Variants in EEIG1 observed in about 807,000 individuals in gnomAD.
EEIG1 encodes estrogen-induced osteoclastogenesis regulator 1.
chr9:127,974,632 G>C, the EEIG1 span, among the ~76,000 whole-genome samples: 1 of 152,166 alleles, frequency 6.6e-6, no homozygotes, highest in Non-Finnish European at 1.5e-5. Context: ...ACAGACACCT[G>C]GACGGAAATG....
chr9:127,946,651 C>T, the EEIG1 span, among the ~76,000 whole-genome samples: 1 of 152,246 alleles, frequency 6.6e-6, no homozygotes, highest in Non-Finnish European at 1.5e-5. Context: ...AGACACATCT[C>T]TCTTCTGGGG....
At chr9:127,973,057 T>C in the EEIG1 span, among the ~76,000 whole-genome samples, 1 of 152,114 alleles carries the variant, frequency 6.6e-6, no homozygotes, top group Non-Finnish European at 1.5e-5. This position sits in a 1 kb window ranked among gnomAD's most constrained non-coding sequence, Gnocchi z 4.2. Flanking sequence ...TGGGTCTCTT[T>C]CTAAGCAAAT....
the EEIG1 span, among the ~76,000 whole-genome samples, chr9:127,968,302 A>C: frequency 6.6e-5 from 10 of 152,186 alleles, no homozygotes; most frequent in Non-Finnish European, 1.0e-4. Flanking sequence ...GACTCAAGTC[A>C]TGGGGCTGCC....
the EEIG1 span, among the ~76,000 whole-genome samples, chr9:127,959,957 G>A: frequency 6.6e-6 from 1 of 152,214 alleles, no homozygotes; most frequent in African/African-American, 2.4e-5. Flanking sequence ...TTGTGCAACT[G>A]TGAATATACT....
chr9:127,979,771 G>C, the EEIG1 span, among the ~76,000 whole-genome samples: 2 of 152,226 alleles, frequency 1.3e-5, no homozygotes, highest in African/African-American at 4.8e-5. Context: ...AGGGCCCCAA[G>C]AGAAGGCTGA....
At chr9:127,961,811 C>A in the EEIG1 span, among the ~76,000 whole-genome samples, 4 of 148,592 alleles carry the variant, frequency 2.7e-5, no homozygotes, top group Non-Finnish European at 5.9e-5. Context: ...CGAGGAACAG[C>A]AAGTGCAAAG....
the EEIG1 span, chr9:127,942,215 G>C: frequency 6.5e-6 from 1 of 152,728 alleles, no homozygotes; most frequent in Non-Finnish European, 1.5e-5. Context: ...AGTCTGGGCA[G>C]CTGACCCTGA....
chr9:127,957,918 C>T, the EEIG1 span, among the ~76,000 whole-genome samples: 11 of 152,322 alleles, frequency 7.2e-5, no homozygotes, highest in South Asian at 2.3e-3. Context: ...GAGGCTGAGG[C>T]ACAAGACTCA....
the EEIG1 span, among the ~76,000 whole-genome samples, chr9:127,969,583 G>C: frequency 6.6e-6 from 1 of 152,112 alleles, no homozygotes; most frequent in African/African-American, 2.4e-5. Context: ...AGCAAAGCTC[G>C]GGGAGATCTA....
chr9:127,956,599 C>G, the EEIG1 span, among the ~76,000 whole-genome samples: 1 of 151,984 alleles, frequency 6.6e-6, no homozygotes, highest in South Asian at 2.1e-4. Flanking sequence ...TTGGTAGAGA[C>G]GGGGTTTCAC....
chr9:127,947,263 C>CAA, the EEIG1 span, among the ~76,000 whole-genome samples: 21 of 94,612 alleles, frequency 2.2e-4, no homozygotes, highest in East Asian at 4.6e-3. Context: ...ACTAAAAATA[C>CAA]AAAAAAAAAA....
chr9:127,953,440 T>C, the EEIG1 span: 47 of 734,368 alleles, frequency 6.4e-5, no homozygotes, highest in Non-Finnish European at 1.0e-4. Context: ...TAAAGATATT[T>C]CTAAAAAATA....
At chr9:127,959,540 C>T in the EEIG1 span, among the ~76,000 whole-genome samples, 1 of 152,168 alleles carries the variant, frequency 6.6e-6, no homozygotes, top group Non-Finnish European at 1.5e-5. Flanking sequence ...AAATTGTGAT[C>T]CCCACATGTC....
the EEIG1 span, among the ~76,000 whole-genome samples, chr9:127,967,155 G>A: frequency 3.3e-5 from 5 of 152,322 alleles, no homozygotes; most frequent in East Asian, 3.9e-4. Context: ...AGCCAAATCC[G>A]TCAAGACCTG....
the EEIG1 span, chr9:127,945,902 C>G: frequency 1.6e-6 from 1 of 630,610 alleles, no homozygotes. The surrounding 1 kb of genome is among the most constrained non-coding windows in gnomAD (Gnocchi z 6.5). Context: ...CAGCAACCAG[C>G]CTGAGCCATA....
At chr9:127,979,495 T>G in the EEIG1 span, among the ~76,000 whole-genome samples, 1 of 152,204 alleles carries the variant, frequency 6.6e-6, no homozygotes, top group Non-Finnish European at 1.5e-5. Flanking sequence ...AGGAGGATAG[T>G]CACTCGGAGG....
chr9:127,953,390 A>C, the EEIG1 span: 1 of 612,490 alleles, frequency 1.6e-6, no homozygotes, highest in Non-Finnish European at 2.9e-6. Context: ...ATATTGCAAC[A>C]ACCATATGCT....
At chr9:127,944,533 G>T in the EEIG1 span, 7 of 1,015,740 alleles carry the variant, frequency 6.9e-6, no homozygotes, top group Non-Finnish European at 1.1e-5. Flanking sequence ...GGCGTTCAAG[G>T]CCAGGTGAGT....
the EEIG1 span, among the ~76,000 whole-genome samples, chr9:127,959,060 T>G: frequency 1.3e-5 from 2 of 152,196 alleles, no homozygotes; most frequent in African/African-American, 4.8e-5. Flanking sequence ...GGTAGGAATG[T>G]AAAATGGTGC....
Sources: gnomAD v4.1 joint callset for allele counts (sites outside exome capture counted in the v4.1 genomes callset) on GRCh38, gnomAD v4.1.1 for gene constraint, Gnocchi (gnomAD v3.1) non-coding constraint, MANE v1.5 for transcripts, NCBI Gene and HGNC (gene_info 2026-07-23, HGNC 2026-07-21) for gene names.